SLC6A6: variants seen among roughly 807,000 people sequenced by gnomAD.
The protein encoded by SLC6A6 is solute carrier family 6 member 6, also known as sodium- and chloride-dependent taurine transporter.
A neutral mutation model predicts 68.8 loss-of-function variants in SLC6A6; 16 were observed. The ratio of observed to expected loss-of-function variants is 0.23; its 90% CI spans 0.16 to 0.35. The LOEUF (loss-of-function observed/expected upper bound fraction) is 0.35. Among genes scored for constraint, SLC6A6 ranks in the 10% least tolerant of loss-of-function variants. SLC6A6 has a pLI of 1.00. For missense variants in SLC6A6, 474 were observed against 802.8 expected (o/e 0.59, Z 4.95); for synonymous variants, 312 against 315.4 (o/e 0.99, Z 0.12).
In SLC6A6 at chr3:14,478,546, T is replaced by A; in HGVS notation, c.1428T>A (p.Cys476Ter). Residue 476 changes from cysteine to a stop codon, truncating the protein, a stop_gained, in exon 12 of 15, where the codon TGT becomes TGA. Transcript: ENST00000622186. LOFTEE classifies it high-confidence loss of function. ...VCLLWVAFFE[C>*]FVIAWIYGGD... ...TTTTGTGGGTTGCATTCTTTGAATG[T>A]TTTGTTATTGCCTGGATATATGGTG... 1 of 1,608,924 alleles carries A rather than the reference T, an allele frequency of 6.2e-7. No homozygotes were observed. The highest frequency in any genetic ancestry group is 8.5e-7 in the Non-Finnish European group (1 of 1,175,260).
At chr3:14,435,210 AC>A (rs1168132998) in intron 2 of SLC6A6, among the ~76,000 whole-genome samples, 1 of 152,160 alleles carries the variant, frequency 6.6e-6, no homozygotes, top group Non-Finnish European at 1.5e-5. Context: ...TAGCTGTGGG[AC>A]CTGGGATAAG....
chr3:14,410,926 A>G (rs1559282915), intron 1 of SLC6A6: 1 of 152,308 alleles, frequency 6.6e-6, no homozygotes, highest in African/African-American at 2.4e-5. Flanking sequence ...CCTAAGGGAC[A>G]TCCTCTCTTG....
At chr3:14,425,746 C>G (rs983638252) in intron 2 of SLC6A6, among the ~76,000 whole-genome samples, 14 of 152,070 alleles carry the variant, frequency 9.2e-5, no homozygotes, top group African/African-American at 3.4e-4. Flanking sequence ...AATTGCGTTT[C>G]CAAAAATGGT....
intron 2 of SLC6A6, among the ~76,000 whole-genome samples, chr3:14,426,275 A>C (rs113654746): frequency 3.3e-5 from 5 of 152,226 alleles, no homozygotes; most frequent in African/African-American, 1.2e-4. Flanking sequence ...AACCTCGGTC[A>C]AGTCGCTTAT....
chr3:14,453,268 C>CT (rs1395140934), intron 5 of SLC6A6, among the ~76,000 whole-genome samples: 1 of 152,216 alleles, frequency 6.6e-6, no homozygotes, highest in Non-Finnish European at 1.5e-5. Flanking sequence ...CCAGGCAGTT[C>CT]TTTTTTGGAT....
chr3:14,462,563 G>A (rs563494266), intron 6 of SLC6A6, among the ~76,000 whole-genome samples: 16 of 152,258 alleles, frequency 1.1e-4, no homozygotes, highest in African/African-American at 2.9e-4. Context: ...GCTGGGCATC[G>A]TGGCGCGTAC....
intron 2 of SLC6A6, among the ~76,000 whole-genome samples, chr3:14,423,296 C>T (rs1699523443): frequency 6.6e-6 from 1 of 152,198 alleles, no homozygotes; most frequent in Non-Finnish European, 1.5e-5. Flanking sequence ...CTTCTCATGC[C>T]TCGGTGTGAT....
At chr3:14,408,576 C>T (rs568898453) in intron 1 of SLC6A6, among the ~76,000 whole-genome samples, 1 of 152,170 alleles carries the variant, frequency 6.6e-6, no homozygotes, top group Non-Finnish European at 1.5e-5. Context: ...CTCAAGTGAT[C>T]CGCCTGCCTT....
intron 14 of SLC6A6, among the ~76,000 whole-genome samples, chr3:14,483,519 A>G (rs3773163): frequency 0.05 from 7,591 of 152,176 alleles, 310 homozygotes; most frequent in South Asian, 0.19. Context: ...GGCACAGCCC[A>G]TTGTATGGAT....
chr3:14,485,016 G>A lies in SLC6A6; in HGVS notation c.*9G>A, dbSNP rs374987269. 3.8e-5 allele frequency: 60 copies of A among 1,597,920 alleles called. No individual in the cohort carries two copies. The highest frequency in any genetic ancestry group is 5.5e-5 in the South Asian group (5 of 90,336). On this transcript the variant is annotated 3_prime_UTR_variant, in exon 15 of 15. Transcript: ENST00000622186. The stretch of plus-strand genomic sequence containing the variant: ...TGGAGACCATGATGTGAGCTCTCTC[G>A]GGTCGACGGGGCCGGCGGCTTTCCT...
chr3:14,479,862 G>C (rs902956542), intron 13 of SLC6A6, among the ~76,000 whole-genome samples: 2 of 152,208 alleles, frequency 1.3e-5, no homozygotes, highest in Admixed American at 6.5e-5. Flanking sequence ...AAGCCGTCAG[G>C]GTTTGCAATC....
At chr3:14,415,624 A>AG (rs775859286) in intron 1 of SLC6A6, among the ~76,000 whole-genome samples, 4 of 152,332 alleles carry the variant, frequency 2.6e-5, no homozygotes, top group South Asian at 4.1e-4. Flanking sequence ...TTCCAGCCTC[A>AG]GGGCAAGGAG....
At chr3:14,483,382 T>G (rs751661895) in intron 14 of SLC6A6, among the ~76,000 whole-genome samples, 9 of 152,214 alleles carry the variant, frequency 5.9e-5, no homozygotes, top group Non-Finnish European at 1.3e-4. Flanking sequence ...GCCATGAGCT[T>G]CTCTCTGAGC....
intron 6 of SLC6A6, among the ~76,000 whole-genome samples, chr3:14,459,929 G>C (rs1319820908): frequency 1.4e-5 from 2 of 146,138 alleles, no homozygotes; most frequent in Non-Finnish European, 3.0e-5. Context: ...GTGGGGTCTG[G>C]CTCTGTTGCC....
rs1302225690 is a variant in SLC6A6 at position 14,468,387 on chromosome 3, A to T, written c.1096+175A>T. 1.8e-5 allele frequency among the ~76,000 whole-genome samples: 2 copies of T among 113,384 alleles called. No homozygotes were observed. Among genetic ancestry groups the T allele is most frequent in the Non-Finnish European group, 3.6e-5 (2 of 55,242 alleles). 74.4% of individuals were successfully genotyped at this position (113,384 alleles called of 152,430 possible). Reference sequence around the variant, plus strand: ...CCAAATTTCAAAGAGTACAAAGCCAAATTTTAAACATTTGTATTGCAATTT... The same window carrying T: ...CCAAATTTCAAAGAGTACAAAGCCATATTTTAAACATTTGTATTGCAATTT... On this transcript the variant is annotated intron_variant, in intron 9 of 14. Coordinates refer to ENST00000622186, the MANE Select transcript of SLC6A6 (RefSeq NM_003043.6). This position sits in a 1 kb window ranked among gnomAD's most constrained non-coding sequence, Gnocchi z 4.5.
intron 5 of SLC6A6, among the ~76,000 whole-genome samples, chr3:14,451,031 C>T (rs1186060684): frequency 6.6e-6 from 1 of 152,220 alleles, no homozygotes; most frequent in African/African-American, 2.4e-5. Flanking sequence ...TGCACTGTCA[C>T]CCCCATGGGA....
chr3:14,446,397 C>T (rs533939669), intron 4 of SLC6A6, among the ~76,000 whole-genome samples: 15 of 152,290 alleles, frequency 9.8e-5, no homozygotes, highest in Middle Eastern at 3.4e-3. Context: ...GAGCAACAGA[C>T]GCTGGGGACT....
In SLC6A6 at chr3:14,457,957, G is replaced by A. The variant is rs767645569; in HGVS notation, c.607G>A (p.Val203Met). 12 of 1,614,060 alleles carry A rather than the reference G, an allele frequency of 7.4e-6. No homozygotes were observed. Among genetic ancestry groups the A allele is most frequent in the Non-Finnish European group, 9.3e-6 (11 of 1,180,024 alleles). Residue 203 changes from valine (V) to methionine (M), a missense_variant, in exon 6 of 15, where the codon GTG becomes ATG. Physicochemically the swap from Val to Met is conservative, Grantham distance 21 (BLOSUM62 1). This residue lies in a region of SLC6A6 where 280 missense variants were observed against 533.1 expected (regional missense o/e 0.53). Coordinates refer to ENST00000622186, the MANE Select transcript of SLC6A6 (RefSeq NM_003043.6). ...CTCTGTGTTTGCTTCAAGGCGCAAC[G>A]TGCTGAGCTTGTCCCCTGGAATCGA... ...SPVIEFWERN[V>M]LSLSPGIDHP...
chr3:14,418,174 T>C (rs929304326), intron 2 of SLC6A6, among the ~76,000 whole-genome samples: 2 of 152,202 alleles, frequency 1.3e-5, no homozygotes, highest in Non-Finnish European at 2.9e-5. Context: ...CTTGACCCCT[T>C]ACATTGATGT....
Sources: allele counts gnomAD v4.1 joint callset (sites outside exome capture counted in the v4.1 genomes callset), GRCh38; gene constraint gnomAD v4.1.1; regional missense constraint gnomAD v4.1.1; non-coding constraint Gnocchi (gnomAD v3.1); transcripts MANE v1.5; gene names NCBI Gene and HGNC (gene_info 2026-07-23, HGNC 2026-07-21).